The following IFT88 variants were observed in gnomAD, a reference collection of about 807,000 sequenced individuals.
IFT88 encodes the protein intraflagellar transport protein 88 homolog.
Under a neutral mutation model 119.5 loss-of-function variants are expected in IFT88, and 74 were observed. The observed-to-expected ratio is 0.62, with a 90% CI of 0.51 to 0.75. The LOEUF is 0.75. IFT88 is among the 30% of genes least tolerant of loss of function. The probability of loss-of-function intolerance (pLI) is 0.00; values close to 1 mark genes in which losing one functional copy is unlikely to be tolerated. For missense variants in IFT88, 961 were observed against 977.7 expected (o/e 0.98, Z 0.23); for synonymous variants, 279 against 316.7 (o/e 0.88, Z 1.26).
intron 13 of IFT88, chr13:20,607,189 G>T: frequency 2.5e-6 from 1 of 394,174 alleles, no homozygotes; most frequent in South Asian, 2.0e-5. Context: ...TGCACGCCTG[G>T]CGCTTGCCCC....
intron 16 of IFT88, among the ~76,000 whole-genome samples, chr13:20,633,432 T>C (rs1316573829): frequency 6.6e-6 from 1 of 152,148 alleles, no homozygotes; most frequent in Non-Finnish European, 1.5e-5. Context: ...TGCCTCTGTC[T>C]TCCACCCAGT....
At chr13:20,684,878 C>T (rs767267664) in intron 24 of IFT88, among the ~76,000 whole-genome samples, 26 of 152,240 alleles carry the variant, frequency 1.7e-4, no homozygotes, top group South Asian at 6.2e-4. Context: ...CCCTTCGACC[C>T]GGGTTCAAGC....
At chr13:20,655,363 C>T (rs369546093) in intron 21 of IFT88, among the ~76,000 whole-genome samples, 5 of 149,890 alleles carry the variant, frequency 3.3e-5, no homozygotes, top group Non-Finnish European at 3.0e-5. Flanking sequence ...AGCCAGGAGG[C>T]GAAGGTTGGA....
At chr13:20,642,046 C>G (rs1472548912) in intron 18 of IFT88, 1 of 152,140 alleles carries the variant, frequency 6.6e-6, no homozygotes, top group East Asian at 1.9e-4. Context: ...AAGCCCTGCT[C>G]TTGGTTAGAA....
chr13:20,673,154 C>G (rs748969340), intron 24 of IFT88, among the ~76,000 whole-genome samples: 2 of 152,220 alleles, frequency 1.3e-5, no homozygotes, highest in Non-Finnish European at 2.9e-5. Context: ...CTGCATTTCT[C>G]TCTGAAAATC....
intron 11 of IFT88, among the ~76,000 whole-genome samples, chr13:20,601,423 C>T (rs904442543): frequency 6.6e-6 from 1 of 150,890 alleles, no homozygotes; most frequent in Non-Finnish European, 1.5e-5. Context: ...TGGGGAATGA[C>T]TGTTAATGAG....
rs1186384752 is a variant in IFT88, at chr13:20,639,341, A to T, written c.1573+823A>T. On this transcript the variant is annotated intron_variant, in intron 17 of 25. Coordinates refer to ENST00000351808, the MANE Select transcript of IFT88 (RefSeq NM_006531.5). ...GTCTCTAAGTCCATGAGAGAGATTGATGGGTTGGCACTCTGCTATAGGGCA... is the reference window on the plus strand; with the variant it reads ...GTCTCTAAGTCCATGAGAGAGATTGTTGGGTTGGCACTCTGCTATAGGGCA... 7.2e-5 allele frequency among the ~76,000 whole-genome samples: 11 copies of T among 152,272 alleles called. 2 individuals are homozygous for T. In the South Asian group the frequency reaches 2.3e-3, roughly 32 times the overall value.
intron 22 of IFT88, among the ~76,000 whole-genome samples, chr13:20,657,762 A>T (rs559636605): frequency 6.6e-6 from 1 of 151,040 alleles, no homozygotes; most frequent in Non-Finnish European, 1.5e-5. Flanking sequence ...ATTCTGTCTC[A>T]AAATAAATAA....
chr13:20,600,611 C>G (rs930109450), intron 11 of IFT88, among the ~76,000 whole-genome samples: 7 of 152,098 alleles, frequency 4.6e-5, no homozygotes, highest in Non-Finnish European at 1.0e-4. Context: ...TGGCTCCAAT[C>G]AAAGAAACAA....
chr13:20,617,816 T>A (rs1594265250), intron 14 of IFT88, among the ~76,000 whole-genome samples: 1 of 152,144 alleles, frequency 6.6e-6, no homozygotes, highest in East Asian at 1.9e-4. Flanking sequence ...TTTCTTGAGA[T>A]TGAGTCTCAC....
chr13:20,663,473 C>T, intron 22 of IFT88, 25 bp from the exon 23 acceptor site: 1 of 1,607,868 alleles, frequency 6.2e-7, no homozygotes, highest in Non-Finnish European at 8.5e-7. Flanking sequence ...TATATTCTTT[C>T]CTAAATGTAT....
intron 24 of IFT88, among the ~76,000 whole-genome samples, chr13:20,672,984 C>T (rs1209385903): frequency 2.6e-5 from 4 of 152,184 alleles, no homozygotes; most frequent in Non-Finnish European, 5.9e-5. Context: ...CAGACCAGCA[C>T]AGTGCTGCTT....
intron 13 of IFT88, among the ~76,000 whole-genome samples, chr13:20,615,285 A>G (rs1246976594): frequency 6.6e-6 from 1 of 152,220 alleles, no homozygotes; most frequent in East Asian, 1.9e-4. Context: ...TTTGAAAAGC[A>G]CTTGGAAATT....
At chr13:20,689,950 C>G (rs2058321460) in intron 24 of IFT88, among the ~76,000 whole-genome samples, 1 of 152,046 alleles carries the variant, frequency 6.6e-6, no homozygotes, top group Admixed American at 6.6e-5. Flanking sequence ...CACTAAAGAG[C>G]TTTATTTTCC....
chr13:20,602,414 A>G (rs768187368), intron 12 of IFT88, among the ~76,000 whole-genome samples: 20 of 152,054 alleles, frequency 1.3e-4, no homozygotes, highest in African/African-American at 1.9e-4. Context: ...CATGTTGCCC[A>G]GGCTGGTCTT....
chr13:20,587,991 A>G (rs960794975), intron 3 of IFT88, among the ~76,000 whole-genome samples: 27 of 86,908 alleles, frequency 3.1e-4, no homozygotes, highest in African/African-American at 6.7e-4. Flanking sequence ...CTATCTTACT[A>G]TTTGCTTTTT....
intron 24 of IFT88, among the ~76,000 whole-genome samples, chr13:20,682,108 A>G (rs1327249248): frequency 6.6e-6 from 1 of 152,248 alleles, no homozygotes; most frequent in Admixed American, 6.5e-5. Flanking sequence ...AAGAGGGACA[A>G]TAATTTTTCC....
At chr13:20,615,942 TTTAAA>T (rs1444516614) in intron 14 of IFT88, 63 bp downstream of exon 14, 7 of 849,408 alleles carry the variant, frequency 8.2e-6, no homozygotes, top group East Asian at 3.0e-5. Context: ...TACTTTTAAA[TTTAAA>T]TTAATATTGT....
At chr13:20,611,640 T>C (rs1397286824) in intron 13 of IFT88, among the ~76,000 whole-genome samples, 2 of 152,060 alleles carry the variant, frequency 1.3e-5, no homozygotes, top group Admixed American at 6.6e-5. Context: ...AATCTTGCTC[T>C]GTTGCCCAGG....
Sources: allele counts gnomAD v4.1 joint callset (sites outside exome capture counted in the v4.1 genomes callset), GRCh38; gene constraint gnomAD v4.1.1; transcripts MANE v1.5; gene names NCBI Gene and HGNC (gene_info 2026-07-23, HGNC 2026-07-21).